ALLC: variants seen among roughly 807,000 people sequenced by gnomAD.
ALLC encodes allantoicase, also known as probable inactive allantoicase.
ALLC carries 40 observed loss-of-function variants against 45.0 expected under a neutral mutation model. The observed-to-expected ratio is 0.89, with a 90% confidence interval of 0.69 to 1.16. The LOEUF (loss-of-function observed/expected upper bound fraction) is 1.16. ALLC is among the 50% of genes most tolerant of loss of function. ALLC has a pLI of 0.00. For missense variants in ALLC, 488 were observed against 493.1 expected, an observed-to-expected ratio of 0.99 and a Z score of 0.10; for synonymous variants, 176 against 178.1, an observed-to-expected ratio of 0.99 and a Z score of 0.09.
At chr2:3,690,519 T>A (rs1667486478) in intron 7 of ALLC, among the ~76,000 whole-genome samples, 1 of 145,284 alleles carries the variant, frequency 6.9e-6, no homozygotes, top group Admixed American at 6.9e-5. Context: ...TCTGATAGTA[T>A]GTTTTAATTG....
At chr2:3,695,944 A>G in intron 8 of ALLC, 72 bp downstream of exon 8, 1 of 1,447,450 alleles carries the variant, frequency 6.9e-7, no homozygotes, top group South Asian at 1.4e-5. Context: ...CAATATGGTC[A>G]GAGTGATTTA....
At chr2:3,651,420 T>C in the ALLC span, among the ~76,000 whole-genome samples, 3 of 55,622 alleles carry the variant, frequency 5.4e-5, no homozygotes, top group Non-Finnish European at 1.2e-4. Context: ...TGTGTGTGTG[T>C]GTGTGTGTGT....
the ALLC span, among the ~76,000 whole-genome samples, chr2:3,652,736 CATGCCCGGCTA>C: frequency 6.6e-6 from 1 of 151,998 alleles, no homozygotes; most frequent in African/African-American, 2.4e-5. Flanking sequence ...GCGTGTGCCA[CATGCCCGGCTA>C]ATTTTTTGTG....
intron 10 of ALLC, among the ~76,000 whole-genome samples, chr2:3,700,715 C>T (rs1667804703): frequency 1.3e-5 from 2 of 152,152 alleles, no homozygotes; most frequent in South Asian, 2.1e-4. Flanking sequence ...GAAATAGCAG[C>T]TCTAATGTTC....
chr2:3,675,923 A>T (rs1667013609), intron 3 of ALLC, among the ~76,000 whole-genome samples: 1 of 152,234 alleles, frequency 6.6e-6, no homozygotes, highest in Non-Finnish European at 1.5e-5. Context: ...TAGCAGCTCC[A>T]GCATCTGGTG....
the ALLC span, among the ~76,000 whole-genome samples, chr2:3,652,462 G>A: frequency 1.3e-5 from 2 of 152,098 alleles, no homozygotes; most frequent in Non-Finnish European, 2.9e-5. Flanking sequence ...AGGCTGGGAA[G>A]CACATATTTT....
At chr2:3,672,215 T>G (rs1454849147) in intron 2 of ALLC, among the ~76,000 whole-genome samples, 2 of 70,916 alleles carry the variant, frequency 2.8e-5, no homozygotes, top group Admixed American at 1.4e-4. Context: ...GGTCCTCTGG[T>G]TCTGGTTAGA....
chr2:3,674,187 T>A (rs1666964542), intron 3 of ALLC, 62 bp downstream of exon 3: 3 of 1,239,590 alleles, frequency 2.4e-6, no homozygotes. Context: ...TGCCGCCTTG[T>A]TATTAAAATC....
chr2:3,663,255 G>T (rs996768533), intron 1 of ALLC, among the ~76,000 whole-genome samples: 2 of 152,184 alleles, frequency 1.3e-5, no homozygotes, highest in African/African-American at 4.8e-5. Context: ...TAAAAGATGA[G>T]ATCATGTCCT....
At chr2:3,652,519 A>C in the ALLC span, among the ~76,000 whole-genome samples, 4 of 151,832 alleles carry the variant, frequency 2.6e-5, no homozygotes, top group Middle Eastern at 6.9e-3. Flanking sequence ...GGATGGAGAT[A>C]TCCCAAACAG....
At chr2:3,682,637 T>C (rs1296831134) in intron 6 of ALLC, among the ~76,000 whole-genome samples, 2 of 152,182 alleles carry the variant, frequency 1.3e-5, no homozygotes, top group Non-Finnish European at 2.9e-5. Context: ...GCCATTCTCC[T>C]GCCTCAGCCT....
intron 3 of ALLC, among the ~76,000 whole-genome samples, chr2:3,677,549 G>A (rs760092898): frequency 3.3e-5 from 5 of 152,224 alleles, no homozygotes; most frequent in East Asian, 1.9e-4. Flanking sequence ...TCAATAGCAC[G>A]ATGGCTGTTT....
chr2:3,650,753 G>A, the ALLC span, among the ~76,000 whole-genome samples: 6,908 of 152,252 alleles, frequency 0.045, 492 homozygotes, highest in African/African-American at 0.16. Flanking sequence ...CCACTGTCAC[G>A]CAGTCCCCAC....
At chr2:3,685,706 GT>G (rs1376365302) in intron 7 of ALLC, among the ~76,000 whole-genome samples, 1 of 150,818 alleles carries the variant, frequency 6.6e-6, no homozygotes, top group African/African-American at 2.4e-5. Flanking sequence ...TTTCATTGTG[GT>G]TTTGAGTTGC....
At chr2:3,677,806 G>C (rs909743471) in intron 3 of ALLC, among the ~76,000 whole-genome samples, 2 of 152,248 alleles carry the variant, frequency 1.3e-5, no homozygotes, top group African/African-American at 4.8e-5. Context: ...TGCACGACTT[G>C]ATGGAAACAG....
chr2:3,681,706 T>C lies in ALLC; in HGVS notation c.371T>C (p.Ile124Thr), dbSNP rs1667184907. The part of the protein sequence containing the change: ...AAATPEEFEA[I>T]AELKSDDWSY... The stretch of plus-strand genomic sequence containing the variant: ...GCCACTCCTGAGGAGTTTGAAGCCA[T>C]TGCTGAGGTACATCTCCCCCAAATG... The change falls in exon 6 of 12, where the codon ATT (isoleucine) becomes ACT (threonine). Residue 124 changes from isoleucine (I) to threonine (T), a missense_variant. Ile to Thr is a moderately conservative substitution (Grantham distance 89, BLOSUM62 -1). Coordinates refer to ENST00000252505, the MANE Select transcript of ALLC (RefSeq NM_018436.4). The C allele has an allele frequency of 1.2e-6, 2 of 1,608,470 alleles. No homozygotes were observed. The highest frequency in any genetic ancestry group is 1.1e-5 in the South Asian group (1 of 89,658).
chr2:3,676,963 T>C (rs1372511141), intron 3 of ALLC, among the ~76,000 whole-genome samples: 2 of 151,796 alleles, frequency 1.3e-5, no homozygotes, highest in Non-Finnish European at 2.9e-5. Context: ...AATTTTTGTA[T>C]TTTTAGTAGA....
chr2:3,678,759 A>T (rs1290774205), intron 4 of ALLC, among the ~76,000 whole-genome samples: 1 of 152,222 alleles, frequency 6.6e-6, no homozygotes, highest in Non-Finnish European at 1.5e-5. Context: ...CCCACCAGGC[A>T]CAAAGGGTGA....
intron 7 of ALLC, among the ~76,000 whole-genome samples, chr2:3,684,484 T>C (rs375627622): frequency 6.6e-6 from 1 of 152,188 alleles, no homozygotes; most frequent in African/African-American, 2.4e-5. Flanking sequence ...ATAAGTTCTT[T>C]AGTGGTGATT....
Sources: allele counts gnomAD v4.1 joint callset (sites outside exome capture counted in the v4.1 genomes callset), GRCh38; gene constraint gnomAD v4.1.1; transcripts MANE v1.5; gene names NCBI Gene and HGNC (gene_info 2026-07-23, HGNC 2026-07-21).